GPC5: variants seen among roughly 807,000 people sequenced by gnomAD.
The protein encoded by GPC5 is glypican 5, also known as glypican-5.
In GPC5, 47 loss-of-function variants were observed where a neutral mutation model predicts 53.9. That is an observed-to-expected ratio of 0.87 (90% CI 0.69 to 1.11). The LOEUF is 1.11. Ranked by LOEUF, GPC5 falls within the 50% of genes most tolerant of loss-of-function variation. GPC5 has a pLI of 0.00. For synonymous variants in GPC5, 286 were observed against 263.3 expected, an observed-to-expected ratio of 1.09 and a Z score of -0.84; for missense variants, 748 against 713.1, an observed-to-expected ratio of 1.05 and a Z score of -0.56.
intron 7 of GPC5, among the ~76,000 whole-genome samples, chr13:92,162,237 A>G (rs2041995315): frequency 6.6e-6 from 1 of 151,920 alleles, no homozygotes; most frequent in African/African-American, 2.4e-5. Flanking sequence ...TTCCAACATC[A>G]TGGTTATTTT....
intron 2 of GPC5, among the ~76,000 whole-genome samples, chr13:91,571,853 A>G: frequency 7.4e-6 from 1 of 134,322 alleles, no homozygotes; most frequent in Admixed American, 7.3e-5. Flanking sequence ...GTGTATATAC[A>G]CATATACGTG....
chr13:91,771,476 C>A (rs574414381), intron 5 of GPC5, among the ~76,000 whole-genome samples: 1 of 152,112 alleles, frequency 6.6e-6, no homozygotes, highest in African/African-American at 2.4e-5. Context: ...ATGAATTGCA[C>A]ATATTTTATG....
At chr13:92,215,577 T>G (rs376549569) in intron 7 of GPC5, among the ~76,000 whole-genome samples, 1 of 152,120 alleles carries the variant, frequency 6.6e-6, no homozygotes, top group South Asian at 2.1e-4. Context: ...ATTCTCATGC[T>G]CACCAAACAA....
intron 6 of GPC5, among the ~76,000 whole-genome samples, chr13:91,963,775 C>G (rs2040149964): frequency 6.6e-6 from 1 of 151,982 alleles, no homozygotes; most frequent in Non-Finnish European, 1.5e-5. Context: ...ATTGATATGC[C>G]ACAATCTGAT....
chr13:91,922,717 T>C (rs1356860709), intron 6 of GPC5, among the ~76,000 whole-genome samples: 7 of 152,146 alleles, frequency 4.6e-5, no homozygotes, highest in Admixed American at 1.3e-4. Context: ...GATTATTGAG[T>C]GAGATCTACA....
intron 2 of GPC5, among the ~76,000 whole-genome samples, chr13:91,639,074 A>G (rs1332117263): frequency 6.6e-6 from 1 of 152,208 alleles, no homozygotes; most frequent in Non-Finnish European, 1.5e-5. Flanking sequence ...ATTTTATTTT[A>G]GTGGGTAATA....
At chr13:92,246,051 C>A (rs1470246263) in intron 7 of GPC5, among the ~76,000 whole-genome samples, 1 of 150,210 alleles carries the variant, frequency 6.7e-6, no homozygotes, top group Non-Finnish European at 1.5e-5. Context: ...ATCGTATCAC[C>A]CATGATCACC....
chr13:91,440,868 G>A (rs900430424), intron 1 of GPC5, among the ~76,000 whole-genome samples: 1 of 152,166 alleles, frequency 6.6e-6, no homozygotes, highest in Admixed American at 6.5e-5. Context: ...CACAAGTTAT[G>A]TGAGGTATGG....
At chr13:92,550,004 A>G (rs1882258854) in intron 7 of GPC5, among the ~76,000 whole-genome samples, 1 of 151,898 alleles carries the variant, frequency 6.6e-6, no homozygotes, top group Admixed American at 6.6e-5. Flanking sequence ...ATTCAAGTAT[A>G]CTGAATGTTT....
chr13:91,761,586 G>T (rs1302319164), intron 5 of GPC5, among the ~76,000 whole-genome samples: 2 of 152,108 alleles, frequency 1.3e-5, no homozygotes, highest in East Asian at 3.8e-4. Context: ...GAATCTGATG[G>T]AGCAGCTCAT....
rs1429513168 is a variant in GPC5, at chr13:91,866,575, C to T, written c.1281-41362C>T. Among the ~76,000 whole-genome samples, 7 of 152,248 alleles carry T rather than the reference C, an allele frequency of 4.6e-5. No individual in the cohort carries two copies. In the East Asian group the frequency reaches 1.4e-3, roughly 29 times the overall value. On this transcript the variant is annotated intron_variant, in intron 5 of 7. Transcript: ENST00000377067. ...ACTTCGGCTCCCCCTTTGCCTTAAGCCATGATTGACAGCTTCCTGGGCCTC... is the reference window on the plus strand; with the variant it reads ...ACTTCGGCTCCCCCTTTGCCTTAAGTCATGATTGACAGCTTCCTGGGCCTC...
chr13:92,035,917 TTTTG>T (rs1185177751), intron 6 of GPC5, among the ~76,000 whole-genome samples: 12 of 152,308 alleles, frequency 7.9e-5, no homozygotes, highest in African/African-American at 2.6e-4. Context: ...ATTCATTGGA[TTTTG>T]TTTATCACCT....
At chr13:92,323,400 A>G (rs531416013) in intron 7 of GPC5, among the ~76,000 whole-genome samples, 1 of 151,122 alleles carries the variant, frequency 6.6e-6, no homozygotes, top group Admixed American at 6.6e-5. Context: ...TACATGTTGT[A>G]TATGTATTTT....
At chr13:91,768,018 C>T (rs1486601477) in intron 5 of GPC5, among the ~76,000 whole-genome samples, 1 of 152,122 alleles carries the variant, frequency 6.6e-6, no homozygotes, top group Non-Finnish European at 1.5e-5. Flanking sequence ...AAGCTATTCC[C>T]TTTTCAGTTA....
chr13:91,419,517 G>A (rs1408402085), intron 1 of GPC5, among the ~76,000 whole-genome samples: 3 of 152,114 alleles, frequency 2.0e-5, no homozygotes, highest in Non-Finnish European at 4.4e-5. Context: ...TTATTAGAAA[G>A]AGAAAGGAAC....
chr13:91,668,367 G>T (rs2035166614), intron 2 of GPC5, among the ~76,000 whole-genome samples: 1 of 152,350 alleles, frequency 6.6e-6, no homozygotes, highest in East Asian at 1.9e-4. Context: ...GCATTGAAAT[G>T]TAGTGAAAGT....
chr13:91,540,298 C>A (rs901935457), intron 2 of GPC5, among the ~76,000 whole-genome samples: 9 of 152,216 alleles, frequency 5.9e-5, no homozygotes, highest in African/African-American at 2.2e-4. Flanking sequence ...CACTTCTCTG[C>A]CTTGTAAGAC....
At chr13:92,632,172 T>C (rs769623280) in intron 7 of GPC5, among the ~76,000 whole-genome samples, 94 of 152,086 alleles carry the variant, frequency 6.2e-4, no homozygotes, top group Non-Finnish European at 1.0e-3. Context: ...TAAATAAAAT[T>C]ATGCCCTTTT....
chr13:91,449,054 T>A, intron 2 of GPC5, 132 bp downstream of exon 2: 1 of 1,005,360 alleles, frequency 9.9e-7, no homozygotes, highest in Non-Finnish European at 1.4e-6. Context: ...AATGAGGTTT[T>A]AACTTTTTCT....
Sources: allele counts gnomAD v4.1 joint callset (sites outside exome capture counted in the v4.1 genomes callset), GRCh38; gene constraint gnomAD v4.1.1; transcripts MANE v1.5; gene names NCBI Gene and HGNC (gene_info 2026-07-23, HGNC 2026-07-21).